Variants in IMMT observed in about 807,000 individuals in gnomAD.
IMMT encodes the protein inner membrane mitochondrial protein.
IMMT carries 40 observed loss-of-function variants against 92.7 expected under a neutral mutation model. That is an observed-to-expected ratio of 0.43 (90% confidence interval 0.34 to 0.56). The LOEUF is 0.56. Among genes scored for constraint, IMMT ranks in the 20% least tolerant of loss-of-function variants. IMMT has a pLI of 0.03. For synonymous variants in IMMT, 322 were observed against 336.1 expected (o/e 0.96, Z 0.46); for missense variants, 831 against 912.1 (o/e 0.91, Z 1.14).
chr2:86,151,192 ACAGGCATGAAC>A, intron 12 of IMMT, 94 bp downstream of exon 12: 1 of 968,708 alleles, frequency 1.0e-6, no homozygotes, highest in Non-Finnish European at 1.6e-6. Context: ...TGCCGCGATT[ACAGGCATGAAC>A]CACTGCACCC....
intron 3 of IMMT, among the ~76,000 whole-genome samples, chr2:86,174,427 C>T (rs1677297597): frequency 6.6e-6 from 1 of 152,204 alleles, no homozygotes; most frequent in Non-Finnish European, 1.5e-5. Context: ...TACTTAAACA[C>T]AACAGGGTGG....
At position 86,144,040 on chromosome 2, in the gene IMMT, C is replaced by A; in HGVS notation, c.*228G>T. 1 of 588,204 alleles carries A rather than the reference C, an allele frequency of 1.7e-6. No homozygotes were observed. Among genetic ancestry groups the A allele is most frequent in the South Asian group, 2.1e-5 (1 of 48,060 alleles). 36.4% of individuals were successfully genotyped at this position (588,204 alleles called of 1,614,324 possible). ...GCCTCACAAGCCTCATCAGTAAAAC[C>A]TGAAAAAACAGAAAATGTTACACAA... On this transcript the variant is annotated 3_prime_UTR_variant, in exon 15 of 15. Transcript: ENST00000410111.
At chr2:86,150,652 A>G (rs771996482) in intron 12 of IMMT, among the ~76,000 whole-genome samples, 2 of 152,238 alleles carry the variant, frequency 1.3e-5, no homozygotes, top group East Asian at 1.9e-4. Context: ...ACAATAGCAG[A>G]GAAAAATATA....
intron 3 of IMMT, 108 bp from the exon 4 acceptor site, chr2:86,173,869 G>C (rs1004035926): frequency 9.7e-6 from 6 of 618,406 alleles, no homozygotes; most frequent in Non-Finnish European, 1.7e-5. Flanking sequence ...TTAACATAAA[G>C]TTATCAACAC....
intron 1 of IMMT, among the ~76,000 whole-genome samples, chr2:86,183,980 AT>A (rs2105489659): frequency 6.6e-6 from 1 of 152,272 alleles, no homozygotes; most frequent in African/African-American, 2.4e-5. Flanking sequence ...TGTATACACA[AT>A]TTTGGGTCTA....
rs368283488 is a variant in IMMT, at chr2:86,146,157, C to T, written c.1574G>A (p.Arg525His). The change falls in exon 14 of 15, where the codon CGT becomes CAT. Residue 525 changes from arginine to histidine, a missense_variant. Physicochemically the swap from Arg to His is conservative, Grantham distance 29. Transcript: ENST00000410111. Reference protein sequence around the residue: ...EKLSEQELQFRRLSQEQVDNF... With the variant: ...EKLSEQELQFHRLSQEQVDNF... ...GTCAACTTGCTCTTGACTGAGACGACGAAATTGTAATTCTTGTTCAGAGAG... is the reference window on the plus strand; with the variant it reads ...GTCAACTTGCTCTTGACTGAGACGATGAAATTGTAATTCTTGTTCAGAGAG... 1.7e-5 allele frequency: 28 copies of T among 1,609,136 alleles called. No homozygotes were observed. The highest frequency in any genetic ancestry group is 5.0e-5 in the Admixed American group (3 of 59,828).
chr2:86,176,009 T>C (rs1424849646), intron 3 of IMMT, among the ~76,000 whole-genome samples: 1 of 152,208 alleles, frequency 6.6e-6, no homozygotes, highest in African/African-American at 2.4e-5. Flanking sequence ...CAAAGACATA[T>C]TTGTAATGAA....
At chr2:86,190,132 T>C (rs1007746315) in intron 1 of IMMT, among the ~76,000 whole-genome samples, 6 of 152,252 alleles carry the variant, frequency 3.9e-5, no homozygotes, top group East Asian at 3.9e-4. Flanking sequence ...TCTAGAGATA[T>C]GAAAAAAGGA....
intron 12 of IMMT, 143 bp from the exon 13 acceptor site, chr2:86,147,976 C>T: frequency 8.5e-6 from 6 of 704,976 alleles, no homozygotes; most frequent in Non-Finnish European, 1.4e-5. Flanking sequence ...TACACTTCTA[C>T]TTCTCATGTG....
intron 9 of IMMT, chr2:86,159,226 C>T (rs1676085524): frequency 8.0e-6 from 3 of 374,682 alleles, no homozygotes; most frequent in Non-Finnish European, 1.5e-5. Flanking sequence ...GCTAGGACTA[C>T]AGGCGCACAC....
chr2:86,193,080 A>C (rs899998750), intron 1 of IMMT: 2 of 152,792 alleles, frequency 1.3e-5, no homozygotes, highest in African/African-American at 4.9e-5. Flanking sequence ...GGACTCTAGG[A>C]GGGAACAGTA....
At chr2:86,165,066 CTCTCA>C (rs1363926630) in intron 7 of IMMT, among the ~76,000 whole-genome samples, 1 of 152,214 alleles carries the variant, frequency 6.6e-6, no homozygotes, top group East Asian at 1.9e-4. Flanking sequence ...TTAGCTAATA[CTCTCA>C]TCTGTTAACT....
Position 86,195,367 on chromosome 2 carries a change from G to A in IMMT, c.16C>T (p.Gln6Ter). The A allele has an allele frequency of 6.5e-7, 1 of 1,549,768 alleles. No individual in the cohort carries two copies. Among genetic ancestry groups the A allele is most frequent in the Non-Finnish European group, 8.7e-7 (1 of 1,146,588 alleles). The part of the protein sequence containing the change: MLRAC[Q>*]LSGVTAAAQS... ...GCGGCGGCGGTCACACCCGATAACT[G>A]ACAGGCCCGCAGCATCTCGGTCAAG... The change falls in exon 1 of 15, where the codon CAG becomes TAG. Residue 6 changes from glutamine (Q) to a stop codon, truncating the protein, a stop_gained. Transcript: ENST00000410111. LOFTEE classifies it high-confidence loss of function.
At chr2:86,168,572 G>A (rs982518108) in intron 6 of IMMT, among the ~76,000 whole-genome samples, 4 of 152,092 alleles carry the variant, frequency 2.6e-5, no homozygotes, top group Admixed American at 1.3e-4. Context: ...GTAGTGAGCC[G>A]ATATTGCACC....
At chr2:86,158,302 A>C in intron 10 of IMMT, 1 of 213,722 alleles carries the variant, frequency 4.7e-6, no homozygotes, top group South Asian at 1.2e-4. Flanking sequence ...ACTTTTGTTC[A>C]CTCAAATTCC....
chr2:86,146,378 T>A (rs1341633760), intron 13 of IMMT, among the ~76,000 whole-genome samples, 181 bp from the exon 14 acceptor site: 4 of 151,594 alleles, frequency 2.6e-5, no homozygotes, highest in African/African-American at 9.7e-5. Flanking sequence ...ATAATATATT[T>A]TTTTTTTTTT....
At chr2:86,157,692 G>A (rs1266819868) in intron 10 of IMMT, among the ~76,000 whole-genome samples, 1 of 151,576 alleles carries the variant, frequency 6.6e-6, no homozygotes, top group Non-Finnish European at 1.5e-5. Context: ...GTAGGCTGAG[G>A]CAGGAGAATT....
chr2:86,148,571 T>C (rs575787902), intron 12 of IMMT, among the ~76,000 whole-genome samples: 11 of 152,234 alleles, frequency 7.2e-5, no homozygotes, highest in East Asian at 3.9e-4. Context: ...AAGATTGCGC[T>C]GCTGCACTCC....
chr2:86,149,894 AAAAAG>A (rs1414191579), intron 12 of IMMT, among the ~76,000 whole-genome samples: 1 of 151,596 alleles, frequency 6.6e-6, no homozygotes, highest in Non-Finnish European at 1.5e-5. Flanking sequence ...AAAAAAAAAA[AAAAAG>A]AAAGAAAAAG....
Sources: gnomAD v4.1 joint callset for allele counts (sites outside exome capture counted in the v4.1 genomes callset) on GRCh38, gnomAD v4.1.1 for gene constraint, MANE v1.5 for transcripts, NCBI Gene and HGNC (gene_info 2026-07-23, HGNC 2026-07-21) for gene names.